KCNU1: variants seen among roughly 807,000 people sequenced by gnomAD.
The protein encoded by KCNU1 is potassium calcium-activated channel subfamily U member 1, also known as potassium channel subfamily U member 1.
In KCNU1, 93 loss-of-function variants were observed where a neutral mutation model predicts 126.8. That is an observed-to-expected ratio of 0.73 (90% confidence interval 0.62 to 0.87). KCNU1 has a LOEUF of 0.87. KCNU1 is among the 40% of genes least tolerant of loss of function. The pLI is 0.00. For synonymous variants in KCNU1, 523 were observed against 494.2 expected, an observed-to-expected ratio of 1.06 and a Z score of -0.77; for missense variants, 1,330 against 1,367.1, an observed-to-expected ratio of 0.97 and a Z score of 0.43.
At chr8:36,931,269 C>CA (rs1285898326) in intron 25 of KCNU1, 124 bp downstream of exon 25, 4 of 526,368 alleles carry the variant, frequency 7.6e-6, no homozygotes, top group East Asian at 6.3e-5. Flanking sequence ...ATAAAAATAA[C>CA]AAAAAAAGAA....
chr8:36,801,561 T>A (rs1803307305), intron 2 of KCNU1, among the ~76,000 whole-genome samples: 2 of 152,210 alleles, frequency 1.3e-5, no homozygotes, highest in East Asian at 3.9e-4. Flanking sequence ...TACTTGAACC[T>A]TTTATGGGAT....
At chr8:36,876,469 T>C (rs1445649382) in intron 19 of KCNU1, among the ~76,000 whole-genome samples, 2 of 152,186 alleles carry the variant, frequency 1.3e-5, no homozygotes, top group African/African-American at 4.8e-5. Context: ...CACAAGCAGA[T>C]CATCTCTGTC....
intron 18 of KCNU1, among the ~76,000 whole-genome samples, chr8:36,847,483 TC>T (rs1805192916): frequency 6.6e-6 from 1 of 152,132 alleles, no homozygotes; most frequent in South Asian, 2.1e-4. Flanking sequence ...CTTTAACCAA[TC>T]TCTCTGCATC....
intron 10 of KCNU1, among the ~76,000 whole-genome samples, chr8:36,820,818 C>T (rs1015870615): frequency 2.0e-5 from 3 of 151,946 alleles, no homozygotes; most frequent in Non-Finnish European, 4.4e-5. Flanking sequence ...TTTGTTAAGA[C>T]CTCAGAAAGA....
chr8:36,935,828 A>T lies in KCNU1; in HGVS notation c.3358A>T (p.Ile1120Leu). The T allele has an allele frequency of 6.2e-7, 1 of 1,612,908 alleles. No individual in the cohort carries two copies. Among genetic ancestry groups the T allele is most frequent in the African/African-American group, 1.3e-5 (1 of 74,980 alleles). ...AACAAACAGTATTATATCATCTCAGATACCTTTAGGTGACAATGCAAAAGA... is the reference window on the plus strand; with the variant it reads ...AACAAACAGTATTATATCATCTCAGTTACCTTTAGGTGACAATGCAAAAGA... ...SRTNSIISSQ[I>L]PLGDNAKENE... The change falls in exon 27 of 27, where the codon ATA becomes TTA. Residue 1120 changes from isoleucine (I) to leucine (L), a missense_variant. Ile to Leu is a conservative substitution (Grantham distance 5). Coordinates refer to ENST00000399881, the MANE Select transcript of KCNU1 (RefSeq NM_001031836.3).
chr8:36,806,152 TAGA>T, intron 4 of KCNU1, 114 bp from the exon 5 acceptor site: 2 of 616,220 alleles, frequency 3.2e-6, no homozygotes, highest in East Asian at 5.8e-5. Flanking sequence ...ATATGTAAAA[TAGA>T]AGGAGATCAA....
Position 36,935,525 on chromosome 8 carries a change from A to G in KCNU1, c.3055A>G (p.Thr1019Ala). 2 of 1,596,398 alleles carry G rather than the reference A, an allele frequency of 1.3e-6. No individual in the cohort carries two copies. The highest frequency in any genetic ancestry group is 1.7e-6 in the Non-Finnish European group (2 of 1,170,206). Reference protein sequence around the residue: ...LNPENKRFVITRPANEFKLLP... With the variant: ...LNPENKRFVIARPANEFKLLP... ...TGACTTGTCTTACAGGTTTGTGATC[A>G]CCCGGCCAGCCAATGAGTTCAAGCT... is the stretch of plus-strand genomic sequence containing the variant. The change falls in exon 27 of 27, where the codon ACC becomes GCC. Residue 1019 changes from threonine (T) to alanine (A), a missense_variant. Transcript: ENST00000399881.
At chr8:36,785,865 A>G (rs1802694508) in intron 1 of KCNU1, among the ~76,000 whole-genome samples, 1 of 152,086 alleles carries the variant, frequency 6.6e-6, no homozygotes, top group Non-Finnish European at 1.5e-5. Context: ...TATATTTTTC[A>G]TTTCTTACTT....
intron 23 of KCNU1, among the ~76,000 whole-genome samples, chr8:36,919,467 T>C (rs1808259802): frequency 7.2e-6 from 1 of 139,696 alleles, no homozygotes; most frequent in African/African-American, 2.6e-5. Context: ...ATTAACAGAA[T>C]ATGCTGTTAT....
intron 26 of KCNU1, among the ~76,000 whole-genome samples, chr8:36,935,086 G>A (rs566882567): frequency 1.1e-4 from 16 of 152,232 alleles, no homozygotes; most frequent in South Asian, 6.2e-4. Flanking sequence ...GCTTGGCTAC[G>A]TGGTCAATAT....
intron 2 of KCNU1, among the ~76,000 whole-genome samples, chr8:36,791,919 T>C (rs1802917733): frequency 1.3e-5 from 2 of 152,144 alleles, no homozygotes; most frequent in Admixed American, 6.5e-5. Context: ...ATATTGAATA[T>C]ACCATCAAGC....
At chr8:36,799,722 A>G (rs1337950690) in intron 2 of KCNU1, among the ~76,000 whole-genome samples, 1 of 143,034 alleles carries the variant, frequency 7.0e-6, no homozygotes, top group Non-Finnish European at 1.5e-5. Flanking sequence ...TTGTATTTTT[A>G]GTAGAGATGG....
chr8:36,818,856 A>G (rs537424317), intron 10 of KCNU1, among the ~76,000 whole-genome samples: 89 of 152,302 alleles, frequency 5.8e-4, no homozygotes, highest in African/African-American at 2.1e-3. Flanking sequence ...ACTGACAGCC[A>G]AGAATTCCGT....
intron 26 of KCNU1, among the ~76,000 whole-genome samples, chr8:36,934,967 T>C (rs796984547): frequency 5.3e-5 from 8 of 152,276 alleles, no homozygotes; most frequent in African/African-American, 1.9e-4. Context: ...CTTTTCTCCA[T>C]TGGCCAGGCT....
intron 20 of KCNU1, among the ~76,000 whole-genome samples, chr8:36,908,339 A>T (rs1224871959): frequency 6.6e-6 from 1 of 152,176 alleles, no homozygotes; most frequent in Non-Finnish European, 1.5e-5. Context: ...TGCTGATAGT[A>T]GTATGAGACA....
intron 18 of KCNU1, among the ~76,000 whole-genome samples, chr8:36,860,089 T>TA (rs869294067): frequency 5.9e-5 from 9 of 151,930 alleles, no homozygotes; most frequent in Admixed American, 2.0e-4. Flanking sequence ...TGATTTTTTT[T>TA]AAATTTGAGA....
At chr8:36,802,482 T>C (rs1803347643) in intron 2 of KCNU1, among the ~76,000 whole-genome samples, 1 of 152,128 alleles carries the variant, frequency 6.6e-6, no homozygotes, top group Non-Finnish European at 1.5e-5. Context: ...TCCCTTCCAG[T>C]GTTTGTTGGA....
intron 9 of KCNU1, among the ~76,000 whole-genome samples, chr8:36,816,074 G>A (rs929213737): frequency 9.3e-5 from 14 of 151,052 alleles, no homozygotes; most frequent in African/African-American, 3.4e-4. Context: ...ATAATGGATC[G>A]GATTAAAGCC....
Position 36,808,867 on chromosome 8 carries a change from C to A in KCNU1, c.732+74C>A, listed in dbSNP as rs1264162546. The A allele has an allele frequency of 3.9e-6, 4 of 1,019,122 alleles. No homozygotes were observed. The East Asian group carries it at 1.0e-4, about 26-fold the overall frequency. The allele number at this position is 1,019,122 out of a possible 1,614,324, so 63.1% of individuals were successfully genotyped here. A position where few individuals can be genotyped will look rare whatever the true frequency, so the allele number is the denominator to read the frequency against. ...CATTTTTTGAAAAATGGAAGGGAAC[C>A]TGCTGAGCCCCTGTCTCCATCACTG... On this transcript the variant is annotated intron_variant, in intron 7 of 26. Transcript: ENST00000399881.
Sources: allele counts gnomAD v4.1 joint callset (sites outside exome capture counted in the v4.1 genomes callset), GRCh38; gene constraint gnomAD v4.1.1; transcripts MANE v1.5; gene names NCBI Gene and HGNC (gene_info 2026-07-23, HGNC 2026-07-21).